The following ABCB1 variants were observed in gnomAD, a reference collection of about 807,000 sequenced individuals.
ABCB1 encodes the protein ATP-dependent translocase ABCB1.
In ABCB1, 69 loss-of-function variants were observed where a neutral mutation model predicts 142.0. The observed-to-expected ratio is 0.49, with a 90% CI of 0.40 to 0.59. ABCB1 has a LOEUF of 0.59. ABCB1 is among the 20% of genes least tolerant of loss of function. ABCB1 has a pLI of 0.00. For missense variants in ABCB1, 1,326 were observed against 1,554.7 expected (o/e 0.85, Z 2.47); for synonymous variants, 532 against 539.2 (o/e 0.99, Z 0.18).
At chr7:87,524,303 T>G (rs1327448507) in intron 21 of ABCB1, among the ~76,000 whole-genome samples, 1 of 152,208 alleles carries the variant, frequency 6.6e-6, no homozygotes, top group East Asian at 1.9e-4. Context: ...AATGGCAGGT[T>G]TATTTTAAAA....
chr7:87,648,172 G>A (rs1416418830), intron 1 of ABCB1, among the ~76,000 whole-genome samples: 7 of 142,298 alleles, frequency 4.9e-5, no homozygotes, highest in African/African-American at 1.6e-4. Context: ...GTGACAGAGC[G>A]AGACTCTGTC....
intron 1 of ABCB1, among the ~76,000 whole-genome samples, chr7:87,672,824 A>G (rs2157929): frequency 0.1 from 15,874 of 151,594 alleles, 1,045 homozygotes; most frequent in African/African-American, 0.18. Context: ...GCTCTGCGTT[A>G]CTCCTGGGTG....
chr7:87,547,238 C>T (rs1816822354), intron 14 of ABCB1, among the ~76,000 whole-genome samples: 1 of 152,042 alleles, frequency 6.6e-6, no homozygotes, highest in African/African-American at 2.4e-5. Flanking sequence ...AGAAAAAATA[C>T]ACAAGGAAAA....
At chr7:87,579,013 C>T (rs964882803) in intron 4 of ABCB1, among the ~76,000 whole-genome samples, 5 of 152,146 alleles carry the variant, frequency 3.3e-5, no homozygotes, top group African/African-American at 1.2e-4. Context: ...TCTTGATTAC[C>T]TTTTCAGATT....
intron 20 of ABCB1, among the ~76,000 whole-genome samples, chr7:87,534,880 AGTCTGGC>A (rs1816211270): frequency 6.9e-6 from 1 of 144,012 alleles, no homozygotes; most frequent in Admixed American, 7.2e-5. Context: ...ATGCCACTGC[AGTCTGGC>A]CTGGGCTACA....
At chr7:87,506,243 T>C in intron 26 of ABCB1, 200 bp from the exon 27 acceptor site, 2 of 588,342 alleles carry the variant, frequency 3.4e-6, no homozygotes, top group Non-Finnish European at 6.0e-6. Flanking sequence ...AATAAATGTT[T>C]GGGCCTTAAG....
At chr7:87,685,093 G>T (rs1827325974) in intron 1 of ABCB1, among the ~76,000 whole-genome samples, 1 of 152,002 alleles carries the variant, frequency 6.6e-6, no homozygotes, top group Non-Finnish European at 1.5e-5. Context: ...TGATAAAGTG[G>T]ACTTCATCAA....
intron 1 of ABCB1, among the ~76,000 whole-genome samples, chr7:87,703,090 G>A (rs954798450): frequency 1.3e-5 from 2 of 152,008 alleles, no homozygotes; most frequent in African/African-American, 2.4e-5. Flanking sequence ...AGAAAATAAA[G>A]ATTGAAAATT....
At chr7:87,550,976 A>C (rs113125275) in intron 9 of ABCB1, 138 bp from the exon 10 acceptor site, 2 of 660,566 alleles carry the variant, frequency 3.0e-6, no homozygotes. Flanking sequence ...GGTGTTAAAA[A>C]TATTTTAAAA....
intron 21 of ABCB1, among the ~76,000 whole-genome samples, chr7:87,522,673 T>C (rs1815565505): frequency 6.6e-6 from 1 of 152,184 alleles, no homozygotes; most frequent in Non-Finnish European, 1.5e-5. Flanking sequence ...AGGGTTTTAA[T>C]GTAGATTTTT....
At position 87,651,521 on chromosome 7, in the gene ABCB1, AT is replaced by A. The variant is rs1284845890; in HGVS notation, c.-330-50444del. Reference sequence around the variant, plus strand: ...ATATAGTTGCTAAAATTCAAGAAGTATTATATAGTATAAATCTTAGTAACAA... The same window carrying A: ...ATATAGTTGCTAAAATTCAAGAAGTATATATAGTATAAATCTTAGTAACAA... On this transcript the variant is annotated intron_variant, in intron 1 of 28. Transcript: ENST00000265724. Among the ~76,000 whole-genome samples the A allele has an allele frequency of 2.6e-5, 4 of 152,164 alleles. No homozygotes were observed. In the South Asian group the frequency reaches 6.2e-4, roughly 24 times the overall value.
At chr7:87,593,898 T>C (rs374045540) in intron 3 of ABCB1, among the ~76,000 whole-genome samples, 4 of 152,220 alleles carry the variant, frequency 2.6e-5, no homozygotes, top group African/African-American at 9.6e-5. Flanking sequence ...TTGCCTTGTA[T>C]CCTTTTGTTG....
intron 1 of ABCB1, chr7:87,659,320 G>A: frequency 3.3e-6 from 1 of 299,444 alleles, no homozygotes; most frequent in South Asian, 3.0e-5. Context: ...TCTTCTAGGG[G>A]GCTGTTTGAA....
At chr7:87,568,017 C>T (rs574015569) in intron 5 of ABCB1, among the ~76,000 whole-genome samples, 2 of 151,758 alleles carry the variant, frequency 1.3e-5, no homozygotes, top group South Asian at 4.2e-4. Context: ...GCAGAAGAAT[C>T]GCTTGAGCCC....
chr7:87,648,791 A>G (rs1208389689), intron 1 of ABCB1, among the ~76,000 whole-genome samples: 2 of 152,170 alleles, frequency 1.3e-5, no homozygotes, highest in African/African-American at 4.8e-5. Flanking sequence ...TTACTTAATT[A>G]TAAAGATTAT....
intron 1 of ABCB1, among the ~76,000 whole-genome samples, chr7:87,697,729 A>G (rs912138977): frequency 9.8e-5 from 15 of 152,306 alleles, no homozygotes; most frequent in African/African-American, 3.4e-4. Flanking sequence ...CACATACATG[A>G]TCACATCTAA....
intron 1 of ABCB1, among the ~76,000 whole-genome samples, chr7:87,668,967 G>A (rs1158771461): frequency 6.6e-6 from 1 of 152,086 alleles, no homozygotes; most frequent in African/African-American, 2.4e-5. Context: ...TTTTGGTGGA[G>A]AGTTCTATAG....
chr7:87,627,286 TAG>T (rs1820721121), intron 1 of ABCB1, among the ~76,000 whole-genome samples: 1 of 151,818 alleles, frequency 6.6e-6, no homozygotes, highest in Non-Finnish European at 1.5e-5. Context: ...ATAAGAAAAA[TAG>T]AGATAGCCAC....
intron 1 of ABCB1, among the ~76,000 whole-genome samples, chr7:87,682,102 T>C (rs900384862): frequency 1.3e-5 from 2 of 152,218 alleles, no homozygotes; most frequent in African/African-American, 4.8e-5. Context: ...GAAACCACTT[T>C]CTTTGCTCAT....
Sources: gnomAD v4.1 joint callset for allele counts (sites outside exome capture counted in the v4.1 genomes callset) on GRCh38, gnomAD v4.1.1 for gene constraint, MANE v1.5 for transcripts, NCBI Gene and HGNC (gene_info 2026-07-23, HGNC 2026-07-21) for gene names.